IFT70A: variants seen among roughly 807,000 people sequenced by gnomAD.
IFT70A encodes intraflagellar transport protein 70A.
At chr2:177,618,524 C>G in the IFT70A span, 11 of 1,590,202 alleles carry the variant, frequency 6.9e-6, no homozygotes, top group Non-Finnish European at 9.4e-6. Flanking sequence ...AGCGCGAACT[C>G]CTGCAGGCGG....
At chr2:177,616,945 G>C in the IFT70A span, 11 of 1,606,012 alleles carry the variant, frequency 6.8e-6, no homozygotes, top group Non-Finnish European at 8.5e-6. Context: ...GCATCTTTTG[G>C]CATAATACCA....
the IFT70A span, chr2:177,616,951 T>C: frequency 1.9e-6 from 3 of 1,607,680 alleles, no homozygotes; most frequent in East Asian, 6.7e-5. Flanking sequence ...TTTGGCATAA[T>C]ACCAGGTATC....
chr2:177,616,008 T>C, the IFT70A span: 1 of 151,954 alleles, frequency 6.6e-6, no homozygotes, highest in Non-Finnish European at 1.5e-5. Flanking sequence ...AAATAGAACA[T>C]GAAGAAAAAC....
chr2:177,618,017 T>G, the IFT70A span: 2 of 1,614,058 alleles, frequency 1.2e-6, no homozygotes, highest in Admixed American at 1.7e-5. Context: ...TCGGTGGTCA[T>G]GCCCACACCT....
At chr2:177,614,169 T>A in the IFT70A span, 6 of 152,126 alleles carry the variant, frequency 3.9e-5, no homozygotes, top group African/African-American at 1.2e-4. Flanking sequence ...GAGTAATCAC[T>A]TAGTAAAGAC....
the IFT70A span, chr2:177,618,053 G>A: frequency 9.9e-6 from 16 of 1,614,102 alleles, no homozygotes; most frequent in Non-Finnish European, 1.1e-5. Context: ...CGGATGCCAC[G>A]CTCAATAATC....
chr2:177,616,913 T>C, the IFT70A span: 3 of 1,596,998 alleles, frequency 1.9e-6, no homozygotes, highest in Non-Finnish European at 2.6e-6. Context: ...TGTTTTGACA[T>C]GTTTTCTAAC....
chr2:177,616,221 G>T, the IFT70A span: 1 of 152,396 alleles, frequency 6.6e-6, no homozygotes, highest in Non-Finnish European at 1.5e-5. Flanking sequence ...ATAGAGTTAA[G>T]AATTAGATTT....
At chr2:177,618,095 G>A in the IFT70A span, 18 of 1,614,234 alleles carry the variant, frequency 1.1e-5, no homozygotes, top group Non-Finnish European at 1.4e-5. Flanking sequence ...GAGGCATACT[G>A]TCGGCTGCTG....
the IFT70A span, chr2:177,617,878 G>C: frequency 6.2e-7 from 1 of 1,614,234 alleles, no homozygotes; most frequent in Non-Finnish European, 8.5e-7. Flanking sequence ...TGGCATGTCG[G>C]TGAGGGTTTC....
At chr2:177,613,877 G>C in the IFT70A span, 1 of 152,110 alleles carries the variant, frequency 6.6e-6, no homozygotes, top group African/African-American at 2.4e-5. Flanking sequence ...ACAAGGATTT[G>C]GGCCCATTTT....
chr2:177,616,840 A>G, the IFT70A span: 1 of 1,598,884 alleles, frequency 6.3e-7, no homozygotes, highest in Non-Finnish European at 8.5e-7. Flanking sequence ...TGTGCCATAA[A>G]GTTCACAGTG....
the IFT70A span, chr2:177,616,349 T>C: frequency 4.3e-3 from 724 of 170,106 alleles, 7 homozygotes; most frequent in African/African-American, 0.016. Context: ...AATGCAAACA[T>C]ACCCGTACTA....
the IFT70A span, chr2:177,613,891 T>C: frequency 1.3e-5 from 2 of 152,224 alleles, no homozygotes; most frequent in Non-Finnish European, 2.9e-5. Context: ...CCATTTTATA[T>C]GTTCACATGA....
the IFT70A span, chr2:177,618,555 C>G: frequency 1.3e-6 from 2 of 1,596,596 alleles, no homozygotes; most frequent in Non-Finnish European, 1.7e-6. Context: ...AGCCTAGCAG[C>G]GACAGGCCGG....
chr2:177,618,510 C>G, the IFT70A span: 1 of 1,586,204 alleles, frequency 6.3e-7, no homozygotes, highest in South Asian at 1.1e-5. Context: ...AGCACTCGGC[C>G]GCCAGCGCGA....
chr2:177,616,582 G>T, the IFT70A span: 1 of 942,512 alleles, frequency 1.1e-6, no homozygotes, highest in Non-Finnish European at 1.5e-6. Context: ...ACATAAACTT[G>T]TTCTTACAAA....
chr2:177,616,574 A>G, the IFT70A span: 1 of 887,536 alleles, frequency 1.1e-6, no homozygotes, highest in Admixed American at 3.3e-5. Context: ...TTGCTCAAAC[A>G]TAAACTTGTT....
chr2:177,618,504 C>T, the IFT70A span: 4 of 1,586,810 alleles, frequency 2.5e-6, no homozygotes, highest in Non-Finnish European at 3.4e-6. Flanking sequence ...GCTCATAGCA[C>T]TCGGCCGCCA....
Sources: allele counts gnomAD v4.1 joint callset, GRCh38; gene constraint gnomAD v4.1.1; transcripts MANE v1.5; gene names NCBI Gene and HGNC (gene_info 2026-07-23, HGNC 2026-07-21).